Variants in PGAP4 observed in about 807,000 individuals in gnomAD.
PGAP4 encodes post-GPI attachment to proteins GalNAc transferase 4.
A neutral mutation model predicts 28.2 loss-of-function variants in PGAP4; 12 were observed. That is an observed-to-expected ratio of 0.42 (90% CI 0.27 to 0.69). The LOEUF is 0.69. Among genes scored for constraint, PGAP4 ranks in the 30% least tolerant of loss-of-function variants. PGAP4 has a pLI of 0.22. For missense variants in PGAP4, 425 were observed against 513.5 expected (o/e 0.83, Z 1.67); for synonymous variants, 205 against 211.8 (o/e 0.97, Z 0.28).
intron 2 of PGAP4, among the ~76,000 whole-genome samples, chr9:101,514,777 A>C (rs934736287): frequency 2.3e-4 from 35 of 152,302 alleles, no homozygotes; most frequent in African/African-American, 7.9e-4. Flanking sequence ...ACTAGGTTTG[A>C]GTCACTGATC....
At chr9:101,478,816 A>G (rs73657947) in intron 1 of PGAP4, among the ~76,000 whole-genome samples, 2,913 of 152,182 alleles carry the variant, frequency 0.019, 90 homozygotes, top group African/African-American at 0.067. Flanking sequence ...ACCTCCCAGT[A>G]CCCTCCCAAA....
At chr9:101,501,265 A>C (rs79549425) in intron 2 of PGAP4, among the ~76,000 whole-genome samples, 5,863 of 152,158 alleles carry the variant, frequency 0.039, 162 homozygotes, top group Admixed American at 0.076. Flanking sequence ...GTACTGCTAC[A>C]ATAGTGATGC....
chr9:101,493,239 C>T (rs1044734280), intron 2 of PGAP4, among the ~76,000 whole-genome samples: 1 of 141,884 alleles, frequency 7.0e-6, no homozygotes, highest in Non-Finnish European at 1.5e-5. Flanking sequence ...GGTGACAGAG[C>T]GAGACTCCAT....
intron 2 of PGAP4, among the ~76,000 whole-genome samples, chr9:101,502,496 T>A (rs191936984): frequency 4.7e-4 from 71 of 152,040 alleles, no homozygotes; most frequent in African/African-American, 1.7e-3. Context: ...ATGACAGACA[T>A]CAAATACCTC....
At chr9:101,494,780 G>C (rs1826722731) in intron 2 of PGAP4, among the ~76,000 whole-genome samples, 1 of 151,570 alleles carries the variant, frequency 6.6e-6, no homozygotes, top group East Asian at 1.9e-4. Flanking sequence ...GTCAAAATCT[G>C]ATGAAAGTTT....
At chr9:101,518,697 T>G (rs750123987) in intron 2 of PGAP4, among the ~76,000 whole-genome samples, 2 of 152,204 alleles carry the variant, frequency 1.3e-5, no homozygotes, top group Non-Finnish European at 2.9e-5. Flanking sequence ...ATACCATAAT[T>G]TATTTATCCA....
chr9:101,519,493 C>T (rs958083778), intron 2 of PGAP4, among the ~76,000 whole-genome samples: 7 of 151,986 alleles, frequency 4.6e-5, no homozygotes, highest in African/African-American at 1.2e-4. Flanking sequence ...TGTTTGAGTT[C>T]GTTGTAGATT....
intron 2 of PGAP4, among the ~76,000 whole-genome samples, chr9:101,529,963 G>A (rs1468132404): frequency 2.0e-5 from 3 of 152,206 alleles, no homozygotes; most frequent in Admixed American, 6.5e-5. Flanking sequence ...TGTTTAACGA[G>A]TGATACCATG....
chr9:101,512,269 T>G (rs756159562), intron 2 of PGAP4, among the ~76,000 whole-genome samples: 30 of 152,048 alleles, frequency 2.0e-4, no homozygotes, highest in Non-Finnish European at 1.9e-4. Context: ...CACCCCGCCC[T>G]GCCCGTCCCA....
chr9:101,528,245 C>A (rs1017758146), intron 2 of PGAP4, among the ~76,000 whole-genome samples: 1 of 152,142 alleles, frequency 6.6e-6, no homozygotes, highest in Non-Finnish European at 1.5e-5. Context: ...AAGTTTGAGA[C>A]AGGCAATTTT....
intron 2 of PGAP4, among the ~76,000 whole-genome samples, chr9:101,499,473 T>C (rs572410942): frequency 3.9e-5 from 6 of 152,008 alleles, no homozygotes; most frequent in Non-Finnish European, 5.9e-5. Flanking sequence ...TAGTAAACTA[T>C]GTTTGTACTC....
chr9:101,526,780 T>C (rs1219955709), intron 2 of PGAP4, among the ~76,000 whole-genome samples: 3 of 152,346 alleles, frequency 2.0e-5, no homozygotes, highest in African/African-American at 7.2e-5. Context: ...TTCAAGTACA[T>C]GATGCAAATG....
At chr9:101,490,904 A>G (rs940584351), upstream of PGAP4, among the ~76,000 whole-genome samples, 4 of 152,222 alleles carry the variant, frequency 2.6e-5, no homozygotes. Flanking sequence ...AATTCTCGCT[A>G]TCGGCAAATT....
chr9:101,492,872 C>G (rs1199274239), intron 2 of PGAP4, among the ~76,000 whole-genome samples: 1 of 152,116 alleles, frequency 6.6e-6, no homozygotes, highest in Non-Finnish European at 1.5e-5. Flanking sequence ...TTAAACTGCT[C>G]TTCCAGTTTT....
In PGAP4 at chr9:101,476,519, CATAGTCCTGCT is replaced by C. The variant is rs1406358680; in HGVS notation, c.563_573del (p.Lys188SerfsTer43). On this transcript the variant is annotated frameshift_variant, in exon 2 of 2. Coordinates refer to ENST00000374848, the MANE Select transcript of PGAP4 (RefSeq NM_032342.3). LOFTEE classifies it high-confidence loss of function. The surrounding 1 kb of genome is among the most constrained non-coding windows in gnomAD (Gnocchi z 7.0). ...TGCAGGGATGACTCCAGGCAATAGA[CATAGTCCTGCT>C]TCTCTTTCTCAAACGAGTTGGTCGA... The C allele has an allele frequency of 6.2e-7, 1 of 1,614,076 alleles. No homozygotes were observed. The highest frequency in any genetic ancestry group is 8.5e-7 in the Non-Finnish European group (1 of 1,180,056).
chr9:101,493,999 T>C, intron 2 of PGAP4, among the ~76,000 whole-genome samples: 1 of 152,010 alleles, frequency 6.6e-6, no homozygotes, highest in Non-Finnish European at 1.5e-5. Context: ...AGAAATATAA[T>C]TTTATTTTTT....
intron 2 of PGAP4, among the ~76,000 whole-genome samples, chr9:101,512,908 G>A (rs533560378): frequency 6.6e-5 from 10 of 152,174 alleles, no homozygotes; most frequent in African/African-American, 1.4e-4. Flanking sequence ...TATTCTCTAA[G>A]GTTTCACAAA....
chr9:101,517,442 G>A (rs12342991), intron 2 of PGAP4, among the ~76,000 whole-genome samples: 27,000 of 151,830 alleles, frequency 0.18, 2,689 homozygotes, highest in African/African-American at 0.27. Flanking sequence ...AGAGGGAGAA[G>A]GAAAGGATGT....
At chr9:101,484,939 T>C (rs1193075375) in intron 1 of PGAP4, among the ~76,000 whole-genome samples, 1 of 150,916 alleles carries the variant, frequency 6.6e-6, no homozygotes, top group African/African-American at 2.4e-5. Context: ...ATTTCCTGTT[T>C]TGATATCTAC....
Sources: gnomAD v4.1 joint callset for allele counts (sites outside exome capture counted in the v4.1 genomes callset) on GRCh38, gnomAD v4.1.1 for gene constraint, Gnocchi (gnomAD v3.1) non-coding constraint, MANE v1.5 for transcripts, NCBI Gene and HGNC (gene_info 2026-07-23, HGNC 2026-07-21) for gene names.